The following POLR3B variants were observed in gnomAD, a reference collection of about 807,000 sequenced individuals.
The protein encoded by POLR3B is RNA polymerase III subunit B.
Under a neutral mutation model 147.4 loss-of-function variants are expected in POLR3B, and 96 were observed. The observed-to-expected ratio is 0.65, with a 90% CI of 0.55 to 0.77. POLR3B has a LOEUF of 0.77. Among genes scored for constraint, POLR3B ranks in the 30% least tolerant of loss-of-function variants. POLR3B has a pLI of 0.00. For missense variants in POLR3B, 1,036 were observed against 1,413.5 expected, an observed-to-expected ratio of 0.73 and a Z score of 4.28; for synonymous variants, 461 against 485.9, an observed-to-expected ratio of 0.95 and a Z score of 0.67.
chr12:106,490,286 G>A (rs2038390585), intron 23 of POLR3B, among the ~76,000 whole-genome samples: 1 of 152,080 alleles, frequency 6.6e-6, no homozygotes, highest in Admixed American at 6.6e-5. Flanking sequence ...AAGTTCCTAT[G>A]GTTATTGTTT....
chr12:106,489,334 G>A (rs2038380073), intron 23 of POLR3B, among the ~76,000 whole-genome samples: 1 of 152,120 alleles, frequency 6.6e-6, no homozygotes, highest in African/African-American at 2.4e-5. Context: ...TCACTTAATG[G>A]TTTAGTCTGC....
chr12:106,507,162 T>G (rs1402158964), intron 27 of POLR3B, among the ~76,000 whole-genome samples: 1 of 152,168 alleles, frequency 6.6e-6, no homozygotes, highest in East Asian at 1.9e-4. Context: ...TCATAGAGGA[T>G]GTTTCACTGG....
At chr12:106,426,857 G>T (rs1191013015) in intron 12 of POLR3B, among the ~76,000 whole-genome samples, 2 of 13,868 alleles carry the variant, frequency 1.4e-4, no homozygotes, top group Non-Finnish European at 3.2e-4. Flanking sequence ...CCCCCCCCCC[G>T]TCCTTTTTGG....
intron 6 of POLR3B, among the ~76,000 whole-genome samples, chr12:106,373,869 A>G (rs1356603902): frequency 6.6e-6 from 1 of 152,114 alleles, no homozygotes; most frequent in Non-Finnish European, 1.5e-5. Flanking sequence ...TATTTGTTTT[A>G]TATACATACA....
At chr12:106,412,846 G>A (rs2037246839) in intron 12 of POLR3B, among the ~76,000 whole-genome samples, 1 of 152,134 alleles carries the variant, frequency 6.6e-6, no homozygotes, top group African/African-American at 2.4e-5. Context: ...CTGTAAACAA[G>A]TATCCTTTTT....
intron 18 of POLR3B, among the ~76,000 whole-genome samples, chr12:106,444,005 T>C (rs549246127): frequency 6.6e-6 from 1 of 151,072 alleles, no homozygotes; most frequent in Non-Finnish European, 1.5e-5. Context: ...GTATTTTTAA[T>C]AGAGACAGGG....
At chr12:106,378,491 G>T in intron 8 of POLR3B, 107 bp downstream of exon 8, 1 of 687,846 alleles carries the variant, frequency 1.5e-6, no homozygotes. Context: ...CTAAAAGCAG[G>T]CATTGTAATA....
intron 23 of POLR3B, among the ~76,000 whole-genome samples, chr12:106,474,572 C>A (rs1412596174): frequency 6.8e-6 from 1 of 146,476 alleles, no homozygotes; most frequent in Non-Finnish European, 1.5e-5. Flanking sequence ...AGAGATTCAA[C>A]TTCTTCCTGG....
intron 19 of POLR3B, among the ~76,000 whole-genome samples, chr12:106,452,236 C>T (rs1228025640): frequency 6.6e-6 from 1 of 152,178 alleles, no homozygotes; most frequent in African/African-American, 2.4e-5. Flanking sequence ...TTTTAACTTA[C>T]ACACCCATAG....
intron 24 of POLR3B, 86 bp from the exon 25 acceptor site, chr12:106,496,666 C>A: frequency 8.9e-7 from 1 of 1,128,052 alleles, no homozygotes; most frequent in African/African-American, 1.5e-5. Context: ...TAATAGTGGT[C>A]GTGGGGAAAT....
chr12:106,379,676 A>T (rs2136901318), intron 8 of POLR3B, among the ~76,000 whole-genome samples: 1 of 152,226 alleles, frequency 6.6e-6, no homozygotes. Flanking sequence ...TAATTTCCTC[A>T]TTATGTTTAA....
intron 23 of POLR3B, among the ~76,000 whole-genome samples, chr12:106,471,968 C>G (rs537844881): frequency 6.8e-6 from 1 of 147,292 alleles, no homozygotes; most frequent in South Asian, 2.2e-4. Context: ...CCCACTAACT[C>G]GTCATCTAGC....
intron 18 of POLR3B, among the ~76,000 whole-genome samples, chr12:106,440,754 A>G (rs1169498997): frequency 6.8e-6 from 1 of 147,196 alleles, no homozygotes; most frequent in South Asian, 2.1e-4. Context: ...TCTTGTGCCT[A>G]TTACCATAGA....
At chr12:106,493,610 A>C (rs1184838621) in intron 23 of POLR3B, among the ~76,000 whole-genome samples, 1 of 152,224 alleles carries the variant, frequency 6.6e-6, no homozygotes, top group African/African-American at 2.4e-5. Flanking sequence ...CTGGTCTCAT[A>C]AGCACAGTCA....
intron 23 of POLR3B, among the ~76,000 whole-genome samples, chr12:106,476,045 CT>C (rs2038165284): frequency 1.3e-5 from 2 of 150,306 alleles, no homozygotes; most frequent in Non-Finnish European, 3.0e-5. Context: ...TTGAGGAGCT[CT>C]TTTAGGGCAG....
rs2036538255 is a variant in POLR3B at position 106,366,538 on chromosome 12, A to G, written c.128A>G (p.His43Arg). 6.2e-7 allele frequency: 1 copy of G among 1,610,196 alleles called. No homozygotes were observed. The highest frequency in any genetic ancestry group is 1.1e-5 in the South Asian group (1 of 90,974). The change falls in exon 3 of 28, where the codon CAT (histidine) becomes CGT (arginine). Residue 43 changes from histidine to arginine, a missense_variant. His to Arg is a conservative substitution (Grantham distance 29). Coordinates refer to ENST00000228347, the MANE Select transcript of POLR3B (RefSeq NM_018082.6). Reference protein sequence around the residue: ...FLKVKGLVKQHIDSFNYFINV... With the variant: ...FLKVKGLVKQRIDSFNYFINV... ...TAGGTGAAAGGCCTTGTGAAACAGC[A>G]TATAGATTCATTTAACTATTTCATT...
intron 10 of POLR3B, among the ~76,000 whole-genome samples, chr12:106,402,121 A>T (rs1237745991): frequency 6.6e-6 from 1 of 152,078 alleles, no homozygotes; most frequent in Non-Finnish European, 1.5e-5. Context: ...AAGTCTCAGG[A>T]TACAAAATCA....
chr12:106,500,637 A>G (rs2038583324), intron 25 of POLR3B, among the ~76,000 whole-genome samples: 6 of 152,316 alleles, frequency 3.9e-5, no homozygotes, highest in Middle Eastern at 3.4e-3. Flanking sequence ...GAAATGTTTG[A>G]CAGAGCCATA....
chr12:106,454,562 C>T lies in POLR3B; in HGVS notation c.2144C>T (p.Pro715Leu). 1.9e-6 allele frequency: 3 copies of T among 1,609,174 alleles called. No homozygotes were observed. The highest frequency in any genetic ancestry group is 2.6e-6 in the Non-Finnish European group (3 of 1,175,754). The part of the protein sequence containing the change: ...IDTLMYLLAY[P>L]QKPMVKTKTI... ...ACTCTCATGTATCTACTAGCATATC[C>T]ACAAAAACCCATGGTTAAGACAAAA... Residue 715 changes from proline to leucine, a missense_variant, in exon 20 of 28, where the codon CCA becomes CTA. Physicochemically the swap from Pro to Leu is moderately conservative, Grantham distance 98. This residue lies in a region of POLR3B where 202 missense variants were observed against 272.8 expected (regional missense o/e 0.74). Coordinates refer to ENST00000228347, the MANE Select transcript of POLR3B (RefSeq NM_018082.6).
Sources: allele counts gnomAD v4.1 joint callset (sites outside exome capture counted in the v4.1 genomes callset), GRCh38; gene constraint gnomAD v4.1.1; regional missense constraint gnomAD v4.1.1; transcripts MANE v1.5; gene names NCBI Gene and HGNC (gene_info 2026-07-23, HGNC 2026-07-21).